PCDHA9: variants seen among roughly 807,000 people sequenced by gnomAD.
The protein encoded by PCDHA9 is protocadherin alpha 9.
In PCDHA9, 62 loss-of-function variants were observed where a neutral mutation model predicts 62.0. The observed-to-expected ratio is 1.00, with a 90% CI of 0.81 to 1.23. The LOEUF (loss-of-function observed/expected upper bound fraction) is 1.23, where lower values mean the gene tolerates loss of function less well. Among genes scored for constraint, PCDHA9 ranks in the 50% most tolerant of loss-of-function variants. The pLI is 0.00. For missense variants in PCDHA9, 1,205 were observed against 1,249.8 expected (o/e 0.96, Z 0.54); for synonymous variants, 557 against 567.6 (o/e 0.98, Z 0.27).
chr5:140,940,825 G>A (rs782539336), intron 1 of PCDHA9, among the ~76,000 whole-genome samples: 53 of 152,232 alleles, frequency 3.5e-4, no homozygotes, highest in South Asian at 6.2e-4. Context: ...ATCTTGGATG[G>A]AAATACCTTT....
chr5:140,908,757 C>G (rs550540742), intron 1 of PCDHA9, among the ~76,000 whole-genome samples: 1 of 152,248 alleles, frequency 6.6e-6, no homozygotes, highest in Non-Finnish European at 1.5e-5. Context: ...TGCACACAGC[C>G]TGGACGTGTT....
At chr5:140,860,288 G>A (rs1305065556) in intron 1 of PCDHA9, 2 of 151,928 alleles carry the variant, frequency 1.3e-5, no homozygotes, top group African/African-American at 4.8e-5. Context: ...GGGTGAGGTG[G>A]GAGGACGGCT....
intron 1 of PCDHA9, chr5:140,852,675 C>G: frequency 3.1e-6 from 3 of 968,904 alleles, no homozygotes; most frequent in Non-Finnish European, 3.7e-6. Context: ...CACAACTCAC[C>G]TTGAATATAG....
At chr5:140,882,629 G>C in intron 1 of PCDHA9, 1 of 1,614,254 alleles carries the variant, frequency 6.2e-7, no homozygotes, top group Non-Finnish European at 8.5e-7. Context: ...CCATGTGGAG[G>C]TGAAGGTGAG....
At position 140,870,696 on chromosome 5, in the gene PCDHA9, G is replaced by A. The variant is rs377050637; in HGVS notation, c.2394+19807G>A. The A allele has an allele frequency of 1.1e-5, 17 of 1,612,906 alleles. No individual in the cohort carries two copies. The African/African-American group carries it at 1.9e-4, about 18-fold the overall frequency. ...ACCACGAGGAGCTGGAGCTGCTACA[G>A]TTCCAGGTGAGCGCGCGCGATGCGG... On this transcript the variant is annotated intron_variant, in intron 1 of 3. Coordinates refer to ENST00000532602, the MANE Select transcript of PCDHA9 (RefSeq NM_031857.2).
intron 1 of PCDHA9, among the ~76,000 whole-genome samples, chr5:140,924,152 C>T (rs1163487854): frequency 6.6e-6 from 1 of 152,176 alleles, no homozygotes; most frequent in African/African-American, 2.4e-5. Context: ...TGAAGAAATG[C>T]ACATCCTAAT....
chr5:140,916,559 G>C (rs1170876334), intron 1 of PCDHA9, among the ~76,000 whole-genome samples: 2 of 152,224 alleles, frequency 1.3e-5, no homozygotes, highest in African/African-American at 4.8e-5. Flanking sequence ...TATTTGTCCA[G>C]GGTGTGTCTA....
At chr5:140,894,710 G>A (rs1032103787) in intron 1 of PCDHA9, among the ~76,000 whole-genome samples, 1 of 151,116 alleles carries the variant, frequency 6.6e-6, no homozygotes, top group Non-Finnish European at 1.5e-5. Context: ...TGTTTAAGTT[G>A]TTTTCAAATA....
intron 1 of PCDHA9, among the ~76,000 whole-genome samples, chr5:140,899,342 C>T (rs1317774028): frequency 6.6e-6 from 1 of 152,044 alleles, no homozygotes; most frequent in African/African-American, 2.4e-5. Context: ...ATAGATAGCT[C>T]TTATTATTTT....
intron 1 of PCDHA9, chr5:140,966,476 C>G: frequency 2.3e-6 from 1 of 432,972 alleles, no homozygotes; most frequent in Non-Finnish European, 4.0e-6. Flanking sequence ...CTTCTGTTTC[C>G]TTTTCCCTCC....
intron 1 of PCDHA9, chr5:140,929,214 G>A: frequency 1.2e-6 from 2 of 1,614,076 alleles, no homozygotes; most frequent in Non-Finnish European, 1.7e-6. Context: ...TGCGTGGGGA[G>A]TACAATGCTG....
chr5:140,890,585 A>G (rs1158719431), intron 1 of PCDHA9, among the ~76,000 whole-genome samples: 1 of 152,086 alleles, frequency 6.6e-6, no homozygotes, highest in Admixed American at 6.5e-5. Context: ...TATTATTTGG[A>G]AGCCCTTTTC....
At chr5:140,979,068 C>G in intron 2 of PCDHA9, 61 bp downstream of exon 2, 1 of 1,602,182 alleles carries the variant, frequency 6.2e-7, no homozygotes. Flanking sequence ...CTCAGATAAA[C>G]TGCATCTCCA....
At position 140,946,611 on chromosome 5, in the gene PCDHA9, A is replaced by AATATATAT. The variant is rs1554217734; in HGVS notation, c.2395-32324_2395-32317dup. Among the ~76,000 whole-genome samples, 282 of 86,744 alleles carry AATATATAT rather than the reference A, an allele frequency of 3.3e-3. 10 individuals carry two copies. Among genetic ancestry groups the AATATATAT allele is most frequent in the African/African-American group, 0.015 (234 of 15,690 alleles). The allele number at this position is 86,744 out of a possible 152,430, so 56.9% of individuals were successfully genotyped here. A position where few individuals can be genotyped will look rare whatever the true frequency, so the allele number is the denominator to read the frequency against. Reference sequence around the variant, plus strand: ...GGATGAATAGATAAAGAAAATGTGAAATATATATATATATATATATACAAT... The same window carrying AATATATAT: ...GGATGAATAGATAAAGAAAATGTGAAATATATATATATATATATATATATATATACAAT... On this transcript the variant is annotated intron_variant, in intron 1 of 3. Coordinates refer to ENST00000532602, the MANE Select transcript of PCDHA9 (RefSeq NM_031857.2).
intron 1 of PCDHA9, among the ~76,000 whole-genome samples, chr5:140,960,717 TATTTTAGTCCATG>T (rs1244851083): frequency 3.3e-4 from 10 of 30,264 alleles, no homozygotes; most frequent in African/African-American, 2.5e-3. Flanking sequence ...ATACTCATCT[TATTTTAGTCCATG>T]ATTTTAGTCC....
chr5:140,848,486 A>G lies in PCDHA9; in HGVS notation c.-10A>G. On this transcript the variant is annotated 5_prime_UTR_variant, in exon 1 of 4. Transcript: ENST00000532602. Reference sequence around the variant, plus strand: ...ATTTTCACTAATTAGAAGAAGACTGAGTATTTGAAATGTTATACTCAAGTC... The same window carrying G: ...ATTTTCACTAATTAGAAGAAGACTGGGTATTTGAAATGTTATACTCAAGTC... 1.3e-6 allele frequency: 2 copies of G among 1,572,848 alleles called. 1 individual carries two copies.
intron 1 of PCDHA9, among the ~76,000 whole-genome samples, chr5:140,922,915 A>G (rs1184691604): frequency 6.6e-6 from 1 of 152,224 alleles, no homozygotes; most frequent in Non-Finnish European, 1.5e-5. Context: ...ATACAAATAA[A>G]CTTCAGACTT....
chr5:140,857,965 T>A (rs2045057486), intron 1 of PCDHA9: 1 of 1,597,084 alleles, frequency 6.3e-7, no homozygotes, highest in East Asian at 2.2e-5. Context: ...TGGATGAGAC[T>A]GACTCGCCAC....
rs560404461 is a variant in PCDHA9, at chr5:140,857,491, G to T, written c.2394+6602G>T. The T allele has an allele frequency of 3.1e-5, 49 of 1,598,340 alleles. 2 individuals are homozygous for T. The highest frequency in any genetic ancestry group is 2.8e-4 in the South Asian group (25 of 90,546). On this transcript the variant is annotated intron_variant, in intron 1 of 3. Transcript: ENST00000532602. Reference sequence around the variant, plus strand: ...TCTTCACGGTGTCTGCGTGGGACGCGGACGCGCAGGAGAACGCCCTGGTGT... The same window carrying T: ...TCTTCACGGTGTCTGCGTGGGACGCTGACGCGCAGGAGAACGCCCTGGTGT...
Sources: allele counts gnomAD v4.1 joint callset (sites outside exome capture counted in the v4.1 genomes callset), GRCh38; gene constraint gnomAD v4.1.1; transcripts MANE v1.5; gene names NCBI Gene and HGNC (gene_info 2026-07-23, HGNC 2026-07-21).